The following PRSS23 variants were observed in gnomAD, a reference collection of about 807,000 sequenced individuals.
The protein encoded by PRSS23 is protease, serine 23.
A neutral mutation model predicts 34.7 loss-of-function variants in PRSS23; 25 were observed. The observed-to-expected ratio is 0.72, with a 90% CI of 0.53 to 1.01. The LOEUF is 1.01. Among genes scored for constraint, PRSS23 ranks in the 50% least tolerant of loss-of-function variants. The pLI, the probability that PRSS23 is intolerant of heterozygous loss-of-function variation, is 0.00. For synonymous variants in PRSS23, 176 were observed against 186.6 expected, an observed-to-expected ratio of 0.94 and a Z score of 0.46; for missense variants, 445 against 475.6, an observed-to-expected ratio of 0.94 and a Z score of 0.60.
rs753625788 is a variant in PRSS23 at position 86,807,799 on chromosome 11, C to T, written c.156C>T (p.Asp52=). Residue 52 remains aspartate, a synonymous_variant, in exon 2 of 2, where the codon GAC becomes GAT. Transcript: ENST00000280258. ...PQSTLNLAKP[D]FGAEAKLEVS... Reference sequence around the variant, plus strand: ...CTACCCTCAATTTAGCCAAGCCAGACTTTGGAGCCGAAGCCAAATTAGAAG... The same window carrying T: ...CTACCCTCAATTTAGCCAAGCCAGATTTTGGAGCCGAAGCCAAATTAGAAG... 6.2e-7 allele frequency: 1 copy of T among 1,614,084 alleles called. No individual in the cohort carries two copies. The highest frequency in any genetic ancestry group is 1.3e-5 in the African/African-American group (1 of 74,932).
intron 1 of PRSS23, among the ~76,000 whole-genome samples, chr11:86,806,211 C>A (rs1948099194): frequency 6.6e-6 from 1 of 152,232 alleles, no homozygotes; most frequent in Non-Finnish European, 1.5e-5. Flanking sequence ...CTACTCCACC[C>A]TTGCTGAGCT....
At chr11:86,852,989 G>A (rs548427475) in intron 2 of PRSS23, among the ~76,000 whole-genome samples, 2 of 152,150 alleles carry the variant, frequency 1.3e-5, no homozygotes, top group Non-Finnish European at 2.9e-5. Flanking sequence ...GAGTAGCTGG[G>A]ATTACAGGCG....
exon 3 of PRSS23, chr11:86,951,679 G>A (rs752642111): frequency 6.2e-7 from 1 of 1,614,086 alleles, no homozygotes; most frequent in East Asian, 2.2e-5. Context: ...AGATGACAAT[G>A]GTTTTCACTG....
intron 2 of PRSS23, among the ~76,000 whole-genome samples, chr11:86,849,791 G>A (rs778224055): frequency 1.3e-5 from 2 of 152,092 alleles, no homozygotes; most frequent in Non-Finnish European, 2.9e-5. Context: ...ATAGTTCACT[G>A]TTCTGCACCT....
chr11:86,813,777 C>A (rs909209011), downstream of PRSS23, among the ~76,000 whole-genome samples: 2 of 152,080 alleles, frequency 1.3e-5, no homozygotes, highest in Admixed American at 1.3e-4. Flanking sequence ...CCACAAAAAT[C>A]AAAATGCAGC....
intron 2 of PRSS23, among the ~76,000 whole-genome samples, chr11:86,927,320 A>G (rs1201652453): frequency 6.6e-6 from 1 of 152,198 alleles, no homozygotes; most frequent in African/African-American, 2.4e-5. Flanking sequence ...TATCAGAGCT[A>G]AAATTCATAC....
intron 2 of PRSS23, among the ~76,000 whole-genome samples, chr11:86,944,712 T>A (rs769249119): frequency 6.6e-6 from 1 of 152,230 alleles, no homozygotes; most frequent in African/African-American, 2.4e-5. Flanking sequence ...TGTGTTGACT[T>A]TCCTTAACTT....
At chr11:86,819,033 G>A (rs1489715535) in intron 1 of PRSS23, among the ~76,000 whole-genome samples, 3 of 152,164 alleles carry the variant, frequency 2.0e-5, no homozygotes, top group Non-Finnish European at 2.9e-5. Flanking sequence ...TCTTGAAAAT[G>A]CCAATTAGGA....
chr11:86,806,698 T>C (rs1332931701), intron 1 of PRSS23, among the ~76,000 whole-genome samples: 1 of 152,260 alleles, frequency 6.6e-6, no homozygotes, highest in African/African-American at 2.4e-5. Context: ...TACATCATTG[T>C]CATTAGCGTC....
chr11:86,796,703 A>G (rs1947983891), upstream of PRSS23, among the ~76,000 whole-genome samples: 1 of 151,916 alleles, frequency 6.6e-6, no homozygotes, highest in South Asian at 2.1e-4. Flanking sequence ...TACCTGGCAT[A>G]TAGTATGCAT....
At chr11:86,848,933 G>T (rs1422703626) in intron 2 of PRSS23, among the ~76,000 whole-genome samples, 1 of 152,180 alleles carries the variant, frequency 6.6e-6, no homozygotes, top group African/African-American at 2.4e-5. Context: ...AAAAAAGATT[G>T]TCCAACTAGA....
At chr11:86,924,997 AG>A (rs1949071193) in intron 2 of PRSS23, 2 of 152,314 alleles carry the variant, frequency 1.3e-5, no homozygotes, top group Admixed American at 1.3e-4. Context: ...GACCCTTCAA[AG>A]GCCCTTCTTT....
chr11:86,926,040 T>G (rs912331923), intron 2 of PRSS23, among the ~76,000 whole-genome samples: 1 of 152,216 alleles, frequency 6.6e-6, no homozygotes, highest in African/African-American at 2.4e-5. Context: ...TCTACCATGC[T>G]AGGTGCCCTA....
At chr11:86,879,181 C>T (rs1948749590) in intron 2 of PRSS23, among the ~76,000 whole-genome samples, 1 of 148,970 alleles carries the variant, frequency 6.7e-6, no homozygotes, top group East Asian at 2.1e-4. Flanking sequence ...AAGTGAGGAG[C>T]GTCTCTGCCC....
upstream of PRSS23, among the ~76,000 whole-genome samples, chr11:86,798,311 T>C (rs558586360): frequency 2.6e-5 from 4 of 152,374 alleles, no homozygotes; most frequent in East Asian, 7.7e-4. Context: ...CTGTGTGTAC[T>C]AGTCTTTGGC....
At chr11:86,791,851 T>C (rs1947954130) in intron 1 of PRSS23, among the ~76,000 whole-genome samples, 1 of 152,210 alleles carries the variant, frequency 6.6e-6, no homozygotes, top group South Asian at 2.1e-4. Flanking sequence ...GTGTAAGAGC[T>C]GAAAAATAAG....
At chr11:86,837,892 T>C (rs1403966075) in intron 2 of PRSS23, among the ~76,000 whole-genome samples, 2 of 152,134 alleles carry the variant, frequency 1.3e-5, no homozygotes, top group African/African-American at 4.8e-5. Flanking sequence ...GATTTCTGCA[T>C]TTCCAACTGA....
upstream of PRSS23, among the ~76,000 whole-genome samples, chr11:86,796,148 T>A (rs570119707): frequency 3.5e-4 from 53 of 152,316 alleles, no homozygotes; most frequent in African/African-American, 1.2e-3. Context: ...AACCTCCTTA[T>A]TGTCAGGACG....
chr11:86,854,666 T>C (rs761407742), intron 2 of PRSS23, among the ~76,000 whole-genome samples: 4 of 152,200 alleles, frequency 2.6e-5, no homozygotes, highest in Non-Finnish European at 4.4e-5. Context: ...AAGTCTTTGA[T>C]CCAGTTTGTG....
Sources: allele counts gnomAD v4.1 joint callset (sites outside exome capture counted in the v4.1 genomes callset), GRCh38; gene constraint gnomAD v4.1.1; transcripts MANE v1.5; gene names NCBI Gene and HGNC (gene_info 2026-07-23, HGNC 2026-07-21).